Variants in TMEM178B observed in about 807,000 individuals in gnomAD.
TMEM178B encodes the protein transmembrane protein 178B.
Under a neutral mutation model 31.0 loss-of-function variants are expected in TMEM178B, and 5 were observed. The observed-to-expected ratio is 0.16, with a 90% CI of 0.08 to 0.34. TMEM178B has a LOEUF of 0.34. TMEM178B is among the 10% of genes least tolerant of loss of function. The probability of loss-of-function intolerance (pLI) is 1.00; values close to 1 mark genes in which losing one functional copy is unlikely to be tolerated. For missense variants in TMEM178B, 275 were observed against 400.3 expected, an observed-to-expected ratio of 0.69 and a Z score of 2.67; for synonymous variants, 164 against 164.0, an observed-to-expected ratio of 1.00 and a Z score of 0.00.
intron 2 of TMEM178B, among the ~76,000 whole-genome samples, chr7:141,306,621 GTT>G (rs1168697391): frequency 5.6e-5 from 8 of 141,868 alleles, no homozygotes; most frequent in African/African-American, 2.1e-4. Flanking sequence ...CTGAGAGTCT[GTT>G]TTTTTTTTTT....
intron 2 of TMEM178B, among the ~76,000 whole-genome samples, chr7:141,400,688 G>T (rs1307340364): frequency 2.6e-5 from 4 of 152,214 alleles, no homozygotes; most frequent in Non-Finnish European, 5.9e-5. Flanking sequence ...CACAAAGAAG[G>T]CTGCAGCCTG....
At chr7:141,279,994 A>T (rs1344327888) in intron 2 of TMEM178B, among the ~76,000 whole-genome samples, 3 of 152,252 alleles carry the variant, frequency 2.0e-5, no homozygotes, top group African/African-American at 7.2e-5. Context: ...TTGCAAGCTC[A>T]CTTCCCATGG....
chr7:141,106,134 A>T (rs537124369), intron 1 of TMEM178B, among the ~76,000 whole-genome samples: 1 of 151,860 alleles, frequency 6.6e-6, no homozygotes, highest in East Asian at 1.9e-4. Context: ...GGGTCAGCCA[A>T]GGCAGAATTG....
intron 1 of TMEM178B, among the ~76,000 whole-genome samples, chr7:141,111,808 G>A (rs1795238433): frequency 6.6e-6 from 1 of 152,220 alleles, no homozygotes; most frequent in South Asian, 2.1e-4. Context: ...AAAGGAGTAA[G>A]ACAAATTAAT....
rs1802444034 is a variant in TMEM178B at position 141,479,948 on chromosome 7, T to C, written c.*9162T>C. On this transcript the variant is annotated 3_prime_UTR_variant, in exon 4 of 4. Transcript: ENST00000565468. ...TATGTTAATTTGTTCTGATATGATGTGAATAAATGTGTTGTTTAATCTTAA... is the reference window on the plus strand; with the variant it reads ...TATGTTAATTTGTTCTGATATGATGCGAATAAATGTGTTGTTTAATCTTAA... 1 of 152,216 alleles carries C rather than the reference T, an allele frequency of 6.6e-6. No individual in the cohort carries two copies. The highest frequency in any genetic ancestry group is 1.5e-5 in the Non-Finnish European group (1 of 68,032). The allele number at this position is 152,216 out of a possible 1,614,324, so 9.4% of individuals were successfully genotyped here.
rs1802064105 is a variant in TMEM178B, at chr7:141,461,802, C to G, written c.635-8734C>G. On this transcript the variant is annotated intron_variant, in intron 3 of 3. Coordinates refer to ENST00000565468, the MANE Select transcript of TMEM178B (RefSeq NM_001195278.2). This position sits in a 1 kb window ranked among gnomAD's most constrained non-coding sequence, Gnocchi z 4.0. The stretch of plus-strand genomic sequence containing the variant: ...CAATTAGCACTCAGAGTGAGCTGAG[C>G]AGGGAGTTGGCTCCGTAACTCTGCA... Among the ~76,000 whole-genome samples, 1 of 152,188 alleles carries G rather than the reference C, an allele frequency of 6.6e-6. No individual in the cohort carries two copies. Among genetic ancestry groups the G allele is most frequent in the African/African-American group, 2.4e-5 (1 of 41,450 alleles).
At chr7:141,289,065 C>T (rs1483907593) in intron 2 of TMEM178B, among the ~76,000 whole-genome samples, 1 of 152,162 alleles carries the variant, frequency 6.6e-6, no homozygotes, top group African/African-American at 2.4e-5. Flanking sequence ...TGGACTATTC[C>T]CTGCTTGCAT....
intron 2 of TMEM178B, among the ~76,000 whole-genome samples, chr7:141,357,147 T>C (rs1171920073): frequency 6.6e-6 from 1 of 152,224 alleles, no homozygotes; most frequent in Non-Finnish European, 1.5e-5. Flanking sequence ...TCTATTATTT[T>C]CCCTAATGTC....
chr7:141,327,134 A>C (rs144881971), intron 2 of TMEM178B, among the ~76,000 whole-genome samples: 26 of 152,246 alleles, frequency 1.7e-4, no homozygotes, highest in African/African-American at 4.8e-4. Flanking sequence ...TTTTCTTTTA[A>C]ACGTCTTTTA....
chr7:141,453,948 A>G (rs17577727), intron 3 of TMEM178B, among the ~76,000 whole-genome samples: 1 of 151,796 alleles, frequency 6.6e-6, no homozygotes, highest in Non-Finnish European at 1.5e-5. Flanking sequence ...GCAGCTTTAC[A>G]TAAAGTTAAA....
chr7:141,091,294 C>T (rs1794876251), intron 1 of TMEM178B, among the ~76,000 whole-genome samples: 2 of 152,124 alleles, frequency 1.3e-5, no homozygotes. Context: ...ATGAGTTATA[C>T]AGTAATTCAG....
intron 1 of TMEM178B, among the ~76,000 whole-genome samples, chr7:141,206,624 G>A (rs6980270): frequency 0.65 from 98,423 of 151,978 alleles, 32,401 homozygotes; most frequent in Middle Eastern, 0.7. Flanking sequence ...CCATATGGCC[G>A]CCCTTGCCAG....
chr7:141,099,647 TCA>T (rs1171071415), intron 1 of TMEM178B, among the ~76,000 whole-genome samples: 3 of 152,202 alleles, frequency 2.0e-5, no homozygotes, highest in African/African-American at 7.2e-5. Flanking sequence ...CTATAGCAAA[TCA>T]CAGTTTCTTA....
chr7:141,360,205 C>T (rs879384969), intron 2 of TMEM178B, among the ~76,000 whole-genome samples: 1 of 152,166 alleles, frequency 6.6e-6, no homozygotes, highest in African/African-American at 2.4e-5. Context: ...GCCTTTCTTA[C>T]TAACAAAATC....
At chr7:141,220,823 C>A (rs915489774) in intron 2 of TMEM178B, among the ~76,000 whole-genome samples, 7 of 152,194 alleles carry the variant, frequency 4.6e-5, no homozygotes, top group Non-Finnish European at 1.0e-4. Context: ...TGTCCGCCTT[C>A]ATCCATTTGT....
intron 2 of TMEM178B, among the ~76,000 whole-genome samples, chr7:141,392,754 A>T (rs1348055682): frequency 6.6e-6 from 1 of 151,792 alleles, no homozygotes; most frequent in African/African-American, 2.4e-5. Flanking sequence ...TTTGAGCAGG[A>T]GAGAAAAGAT....
chr7:141,200,684 G>A (rs991821582), intron 1 of TMEM178B, among the ~76,000 whole-genome samples: 7 of 152,102 alleles, frequency 4.6e-5, no homozygotes, highest in African/African-American at 1.4e-4. Flanking sequence ...TTTTGGATAC[G>A]GTTCTTAGAC....
chr7:141,404,236 C>A (rs1192297833), intron 2 of TMEM178B, among the ~76,000 whole-genome samples: 1 of 152,152 alleles, frequency 6.6e-6, no homozygotes, highest in Admixed American at 6.5e-5. Flanking sequence ...ACCCAGGAAG[C>A]GGAGCTTGCA....
At chr7:141,162,010 C>T (rs1796183291) in intron 1 of TMEM178B, among the ~76,000 whole-genome samples, 1 of 152,120 alleles carries the variant, frequency 6.6e-6, no homozygotes, top group Non-Finnish European at 1.5e-5. Flanking sequence ...AGGCATCCTT[C>T]CCAGCGCTGA....
Sources: gnomAD v4.1 joint callset for allele counts (sites outside exome capture counted in the v4.1 genomes callset) on GRCh38, gnomAD v4.1.1 for gene constraint, Gnocchi (gnomAD v3.1) non-coding constraint, MANE v1.5 for transcripts, NCBI Gene and HGNC (gene_info 2026-07-23, HGNC 2026-07-21) for gene names.